The following UNC5C variants were observed in gnomAD, a reference collection of about 807,000 sequenced individuals.
UNC5C encodes the protein unc-5 netrin receptor C.
A neutral mutation model predicts 99.8 loss-of-function variants in UNC5C; 47 were observed. That is an observed-to-expected ratio of 0.47 (90% confidence interval 0.37 to 0.60). UNC5C has a LOEUF of 0.60. UNC5C is among the 20% of genes least tolerant of loss of function. The pLI is 0.00. For missense variants in UNC5C, 1,062 were observed against 1,165.9 expected, an observed-to-expected ratio of 0.91 and a Z score of 1.30; for synonymous variants, 487 against 452.2, an observed-to-expected ratio of 1.08 and a Z score of -0.98.
At chr4:95,514,653 A>G (rs1722166706) in intron 1 of UNC5C, among the ~76,000 whole-genome samples, 1 of 148,474 alleles carries the variant, frequency 6.7e-6, no homozygotes, top group Non-Finnish European at 1.5e-5. Flanking sequence ...TTTTATATAT[A>G]TATATACATA....
intron 1 of UNC5C, among the ~76,000 whole-genome samples, chr4:95,495,377 G>A (rs1318958801): frequency 6.6e-6 from 1 of 151,484 alleles, no homozygotes; most frequent in Non-Finnish European, 1.5e-5. Context: ...TAAAACCATT[G>A]CCTCTAACAC....
intron 4 of UNC5C, among the ~76,000 whole-genome samples, chr4:95,262,879 ATCTTGGCCCACCGCAACCTCTG>A (rs1339375166): frequency 6.6e-6 from 1 of 151,170 alleles, no homozygotes; most frequent in African/African-American, 2.4e-5. Context: ...CAATGGCGTG[ATCTTGGCCCACCGCAACCTCTG>A]CTTCCCGGGT....
At chr4:95,469,020 G>T (rs72876432) in intron 1 of UNC5C, among the ~76,000 whole-genome samples, 4,463 of 152,140 alleles carry the variant, frequency 0.029, 107 homozygotes, top group African/African-American at 0.064. Context: ...AGGATCAGGG[G>T]TTAACTGCTT....
chr4:95,215,473 G>T (rs1276075326), intron 10 of UNC5C, among the ~76,000 whole-genome samples: 1 of 152,104 alleles, frequency 6.6e-6, no homozygotes, highest in Non-Finnish European at 1.5e-5. Context: ...TTGAATTTAG[G>T]ACTTCTCAAT....
At chr4:95,469,551 G>A (rs1057029710) in intron 1 of UNC5C, among the ~76,000 whole-genome samples, 2 of 149,640 alleles carry the variant, frequency 1.3e-5, no homozygotes, top group African/African-American at 5.0e-5. Flanking sequence ...TAGCATAACT[G>A]CAGTGACGGT....
chr4:95,415,362 A>C (rs1746130696), intron 1 of UNC5C, among the ~76,000 whole-genome samples: 1 of 152,066 alleles, frequency 6.6e-6, no homozygotes, highest in South Asian at 2.1e-4. Flanking sequence ...TTAAAAAAAA[A>C]ACAAAACAAA....
At chr4:95,271,095 A>G (rs770675166) in intron 4 of UNC5C, among the ~76,000 whole-genome samples, 68 of 152,242 alleles carry the variant, frequency 4.5e-4, no homozygotes, top group Non-Finnish European at 8.2e-4. Context: ...CCTTTTTTGA[A>G]CAAATGAAGG....
At chr4:95,256,015 C>A (rs1042267988) in intron 4 of UNC5C, among the ~76,000 whole-genome samples, 6 of 152,082 alleles carry the variant, frequency 3.9e-5, no homozygotes, top group African/African-American at 1.4e-4. Flanking sequence ...CACAGCAGCA[C>A]GTGATCCGGT....
chr4:95,498,259 C>T (rs969383738), intron 1 of UNC5C, among the ~76,000 whole-genome samples: 6 of 151,810 alleles, frequency 4.0e-5, no homozygotes, highest in African/African-American at 1.2e-4. Context: ...TTTATTCAGC[C>T]CCATGCACAA....
intron 1 of UNC5C, among the ~76,000 whole-genome samples, chr4:95,508,206 C>G (rs1721974593): frequency 1.3e-5 from 2 of 151,984 alleles, no homozygotes; most frequent in Non-Finnish European, 2.9e-5. Flanking sequence ...CACATGCCAG[C>G]TCCAACATCC....
rs553908289 is a variant in UNC5C at position 95,298,238 on chromosome 4, C to T, written c.490+3368G>A. ...GGGGTGGTAGAATCACCTGAGCCTGCGAGACTGAGGCTGCAATGAGCTGTG... is the reference window on the plus strand; with the variant it reads ...GGGGTGGTAGAATCACCTGAGCCTGTGAGACTGAGGCTGCAATGAGCTGTG... On this transcript the variant is annotated intron_variant, in intron 3 of 15. Transcript: ENST00000453304. 1.2e-4 allele frequency among the ~76,000 whole-genome samples: 18 copies of T among 152,176 alleles called. No individual in the cohort carries two copies. In the South Asian group the frequency reaches 2.3e-3, roughly 19 times the overall value.
intron 2 of UNC5C, among the ~76,000 whole-genome samples, chr4:95,322,471 GA>G (rs1560785685): frequency 6.6e-6 from 1 of 151,940 alleles, no homozygotes; most frequent in Non-Finnish European, 1.5e-5. Flanking sequence ...CTACAGAAAA[GA>G]AAAAGCTTTA....
chr4:95,357,500 T>C (rs1744249674), intron 1 of UNC5C, among the ~76,000 whole-genome samples: 2 of 151,716 alleles, frequency 1.3e-5, no homozygotes, highest in African/African-American at 4.8e-5. Context: ...ACTAAAATAC[T>C]GTCCAGGCCT....
At chr4:95,172,423 G>A (rs565697647) in intron 14 of UNC5C, among the ~76,000 whole-genome samples, 33 of 152,202 alleles carry the variant, frequency 2.2e-4, no homozygotes, top group South Asian at 1.5e-3. Context: ...TGTATAAGGT[G>A]TAAGGAAGAG....
intron 1 of UNC5C, among the ~76,000 whole-genome samples, chr4:95,424,513 C>CTTT (rs1746409640): frequency 1.2e-5 from 1 of 85,020 alleles, no homozygotes; most frequent in East Asian, 5.4e-4. Flanking sequence ...TTTTTTTTTT[C>CTTT]TTTTCTTTTT....
At chr4:95,524,230 T>C (rs944423462) in intron 1 of UNC5C, among the ~76,000 whole-genome samples, 2 of 152,186 alleles carry the variant, frequency 1.3e-5, no homozygotes, top group Non-Finnish European at 2.9e-5. Context: ...TATGTTTCAA[T>C]CCTAACCCTG....
intron 1 of UNC5C, among the ~76,000 whole-genome samples, chr4:95,469,970 T>C (rs957561796): frequency 2.0e-5 from 3 of 152,156 alleles, no homozygotes; most frequent in African/African-American, 4.8e-5. Flanking sequence ...ATTATTACAG[T>C]ATGTACTAAG....
At chr4:95,426,475 T>G (rs1746488881) in intron 1 of UNC5C, among the ~76,000 whole-genome samples, 1 of 152,208 alleles carries the variant, frequency 6.6e-6, no homozygotes, top group Non-Finnish European at 1.5e-5. Context: ...GATTTGCACA[T>G]CTCTTACTTG....
chr4:95,226,464 G>A (rs970838882), intron 7 of UNC5C, among the ~76,000 whole-genome samples: 3 of 152,158 alleles, frequency 2.0e-5, no homozygotes, highest in East Asian at 1.9e-4. Context: ...TATGATGCAC[G>A]TTACTAAGGT....
Sources: allele counts gnomAD v4.1 joint callset (sites outside exome capture counted in the v4.1 genomes callset), GRCh38; gene constraint gnomAD v4.1.1; transcripts MANE v1.5; gene names NCBI Gene and HGNC (gene_info 2026-07-23, HGNC 2026-07-21).